Variants in MYO3B observed in about 807,000 individuals in gnomAD.
MYO3B encodes myosin IIIB.
MYO3B carries 156 observed loss-of-function variants against 174.6 expected under a neutral mutation model. The observed-to-expected ratio is 0.89, with a 90% CI of 0.78 to 1.02. The LOEUF is 1.02. Among genes scored for constraint, MYO3B ranks in the 50% least tolerant of loss-of-function variants. MYO3B has a pLI of 0.00. For synonymous variants in MYO3B, 563 were observed against 569.1 expected, an observed-to-expected ratio of 0.99 and a Z score of 0.15; for missense variants, 1,632 against 1,639.4, an observed-to-expected ratio of 1.00 and a Z score of 0.08.
chr2:170,616,832 T>C (rs1218298697), intron 32 of MYO3B, among the ~76,000 whole-genome samples: 1 of 152,236 alleles, frequency 6.6e-6, no homozygotes, highest in African/African-American at 2.4e-5. Context: ...ATCTGTTCTT[T>C]TAGTTTGCTT....
intron 28 of MYO3B, among the ~76,000 whole-genome samples, chr2:170,511,061 G>GTT (rs1352683626): frequency 1.8e-3 from 234 of 132,030 alleles, no homozygotes; most frequent in African/African-American, 5.5e-3. Context: ...TTTTCCTTTT[G>GTT]TTTTTTTTTT....
intron 20 of MYO3B, 110 bp downstream of exon 20, chr2:170,404,510 G>A (rs1352762976): frequency 7.8e-6 from 9 of 1,146,550 alleles, no homozygotes; most frequent in Non-Finnish European, 1.1e-5. Flanking sequence ...TTATATGGTG[G>A]TTTGTAAGAA....
At chr2:170,636,961 T>TGTGC (rs1023991034) in intron 32 of MYO3B, among the ~76,000 whole-genome samples, 36 of 148,052 alleles carry the variant, frequency 2.4e-4, no homozygotes, top group Non-Finnish European at 4.5e-4. Flanking sequence ...TTTGTGCGTG[T>TGTGC]GTGTGTGTGT....
chr2:170,272,311 G>A (rs2093431244), intron 7 of MYO3B, among the ~76,000 whole-genome samples: 1 of 152,092 alleles, frequency 6.6e-6, no homozygotes, highest in Non-Finnish European at 1.5e-5. Flanking sequence ...AGAATCCTGG[G>A]ATGGCTCCTT....
intron 22 of MYO3B, among the ~76,000 whole-genome samples, chr2:170,415,646 A>G (rs2094573306): frequency 6.6e-6 from 1 of 151,592 alleles, no homozygotes; most frequent in East Asian, 1.9e-4. Context: ...TGTTTGCTCT[A>G]TCTTCCTTCT....
intron 7 of MYO3B, among the ~76,000 whole-genome samples, chr2:170,258,665 C>T (rs1012631038): frequency 7.9e-5 from 12 of 152,100 alleles, no homozygotes; most frequent in African/African-American, 2.7e-4. Flanking sequence ...ATGATGCCCA[C>T]GTTCACTACT....
At chr2:170,407,867 C>A (rs1257391984) in intron 22 of MYO3B, 23 bp downstream of exon 22, 1 of 1,613,234 alleles carries the variant, frequency 6.2e-7, no homozygotes, top group Non-Finnish European at 8.5e-7. Flanking sequence ...CCTCTGATAG[C>A]CCTGCTCTTA....
intron 32 of MYO3B, chr2:170,601,649 CT>C: frequency 7.5e-7 from 1 of 1,339,546 alleles, no homozygotes. Context: ...CCTCATAATC[CT>C]CTTCATCTTC....
intron 7 of MYO3B, among the ~76,000 whole-genome samples, chr2:170,291,990 T>A (rs1463478902): frequency 6.6e-6 from 1 of 152,146 alleles, no homozygotes; most frequent in Non-Finnish European, 1.5e-5. Flanking sequence ...TTTTGGAAAA[T>A]TTTCTGTTAC....
At chr2:170,500,859 GTGCCCTGCCTAGTCA>G (rs1687219572) in intron 27 of MYO3B, among the ~76,000 whole-genome samples, 1 of 152,034 alleles carries the variant, frequency 6.6e-6, no homozygotes, top group Non-Finnish European at 1.5e-5. Context: ...TCTCTTTCAT[GTGCCCTGCCTAGTCA>G]GTGCCTCTTT....
At chr2:170,440,857 A>G (rs1361070865) in intron 22 of MYO3B, among the ~76,000 whole-genome samples, 2 of 126,432 alleles carry the variant, frequency 1.6e-5, no homozygotes, top group African/African-American at 3.1e-5. Flanking sequence ...GCTGGAGTGC[A>G]GTGGCATGAT....
intron 32 of MYO3B, among the ~76,000 whole-genome samples, chr2:170,564,058 C>T (rs150091886): frequency 6.6e-6 from 1 of 152,352 alleles, no homozygotes; most frequent in African/African-American, 2.4e-5. Context: ...TTGTTTCATG[C>T]TCATTTCTGA....
At chr2:170,252,538 G>GAA (rs2093264252) in intron 7 of MYO3B, among the ~76,000 whole-genome samples, 1 of 152,164 alleles carries the variant, frequency 6.6e-6, no homozygotes, top group Non-Finnish European at 1.5e-5. Flanking sequence ...AATATGTTTT[G>GAA]AGTATTTACT....
intron 22 of MYO3B, among the ~76,000 whole-genome samples, chr2:170,408,862 A>G (rs1325846065): frequency 6.6e-6 from 1 of 152,102 alleles, no homozygotes; most frequent in Non-Finnish European, 1.5e-5. Context: ...AAACAGAACT[A>G]GTAGCAGTGC....
chr2:170,590,566 G>A (rs1693756121), intron 32 of MYO3B, among the ~76,000 whole-genome samples: 1 of 150,414 alleles, frequency 6.6e-6, no homozygotes. Flanking sequence ...CCCATTACCA[G>A]AAGTAGTATA....
At chr2:170,364,115 C>G (rs1194612053) in intron 8 of MYO3B, among the ~76,000 whole-genome samples, 8 of 152,120 alleles carry the variant, frequency 5.3e-5, no homozygotes, top group Non-Finnish European at 8.8e-5. Flanking sequence ...AGAGTTCTTA[C>G]AGTGTCCCCT....
Position 170,183,416 on chromosome 2 carries a change from C to T in MYO3B, c.2+5127C>T, listed in dbSNP as rs917879333. On this transcript the variant is annotated intron_variant, in intron 1 of 34. Coordinates refer to ENST00000408978, the MANE Select transcript of MYO3B (RefSeq NM_138995.5). ...AGATTTTACTTTTATACATTCTGCT[C>T]TGTTCTCGTTAGGTTTAGCTTTGGG... is the stretch of plus-strand genomic sequence containing the variant. Among the ~76,000 whole-genome samples the T allele has an allele frequency of 2.6e-5, 4 of 152,174 alleles. No individual in the cohort carries two copies. In the South Asian group the frequency reaches 8.3e-4, roughly 32 times the overall value.
chr2:170,310,388 C>T (rs747780909), intron 7 of MYO3B, among the ~76,000 whole-genome samples: 3 of 152,044 alleles, frequency 2.0e-5, no homozygotes, highest in Non-Finnish European at 2.9e-5. Context: ...CTGGGCTGTG[C>T]GCAGTGGCTC....
intron 1 of MYO3B, among the ~76,000 whole-genome samples, chr2:170,191,146 A>G (rs2105319420): frequency 6.6e-6 from 1 of 151,860 alleles, no homozygotes; most frequent in Non-Finnish European, 1.5e-5. Context: ...TAGAGGAGAT[A>G]GGGCCTCAGG....
Sources: allele counts gnomAD v4.1 joint callset (sites outside exome capture counted in the v4.1 genomes callset), GRCh38; gene constraint gnomAD v4.1.1; transcripts MANE v1.5; gene names NCBI Gene and HGNC (gene_info 2026-07-23, HGNC 2026-07-21).